The following CEP128 variants were observed in gnomAD, a reference collection of about 807,000 sequenced individuals.
CEP128 encodes centrosomal protein 128kDa.
CEP128 carries 132 observed loss-of-function variants against 156.7 expected under a neutral mutation model. The ratio of observed to expected loss-of-function variants is 0.84; its 90% CI spans 0.73 to 0.97. The LOEUF is 0.97. Ranked by LOEUF, CEP128 falls within the 50% of genes least tolerant of loss-of-function variation. CEP128 has a pLI of 0.00. For missense variants in CEP128, 1,252 were observed against 1,281.9 expected (o/e 0.98, Z 0.36); for synonymous variants, 469 against 448.9 (o/e 1.04, Z -0.57).
chr14:80,643,356 G>T (rs1206102960), intron 19 of CEP128, among the ~76,000 whole-genome samples: 1 of 152,164 alleles, frequency 6.6e-6, no homozygotes, highest in Non-Finnish European at 1.5e-5. Context: ...CACCACAGCA[G>T]TCAGCAGGGA....
chr14:80,800,122 C>A (rs1883755071), intron 13 of CEP128, among the ~76,000 whole-genome samples: 1 of 152,176 alleles, frequency 6.6e-6, no homozygotes, highest in Non-Finnish European at 1.5e-5. Flanking sequence ...CATCATAGTC[C>A]TACCGATATG....
intron 19 of CEP128, among the ~76,000 whole-genome samples, chr14:80,706,101 G>T (rs1595254323): frequency 6.6e-6 from 1 of 151,900 alleles, no homozygotes; most frequent in South Asian, 2.1e-4. Flanking sequence ...ATCATAAATT[G>T]TTCACTTACT....
chr14:80,505,173 T>C (rs920513756), intron 23 of CEP128, among the ~76,000 whole-genome samples, 153 bp from the exon 24 acceptor site: 2 of 152,238 alleles, frequency 1.3e-5, no homozygotes, highest in Non-Finnish European at 2.9e-5. Flanking sequence ...AAATAAAATA[T>C]GTGCATGTTA....
chr14:80,622,954 G>A (rs1031072676), intron 19 of CEP128, among the ~76,000 whole-genome samples: 5 of 151,966 alleles, frequency 3.3e-5, no homozygotes, highest in African/African-American at 1.2e-4. Flanking sequence ...CCATCCCATT[G>A]CTGGATATAT....
intron 23 of CEP128, among the ~76,000 whole-genome samples, chr14:80,510,563 C>T (rs912015680): frequency 6.6e-6 from 1 of 152,094 alleles, no homozygotes; most frequent in Non-Finnish European, 1.5e-5. Flanking sequence ...TAATTGACTT[C>T]TTCCTTTCCA....
intron 23 of CEP128, among the ~76,000 whole-genome samples, chr14:80,510,505 A>G (rs1344376145): frequency 6.6e-6 from 1 of 152,024 alleles, no homozygotes; most frequent in Non-Finnish European, 1.5e-5. Flanking sequence ...TATCAGTTCT[A>G]ATAGCTTCTC....
intron 19 of CEP128, among the ~76,000 whole-genome samples, chr14:80,592,425 C>T (rs1892116397): frequency 6.6e-6 from 1 of 152,158 alleles, no homozygotes; most frequent in South Asian, 2.1e-4. Flanking sequence ...AATTCCTGGA[C>T]ACATACACCC....
intron 13 of CEP128, among the ~76,000 whole-genome samples, chr14:80,821,709 T>C (rs1885195647): frequency 6.6e-6 from 1 of 151,196 alleles, no homozygotes; most frequent in Admixed American, 6.6e-5. Context: ...GAAGTCTTGC[T>C]CTTCCACCCA....
At chr14:80,592,145 T>C (rs894932039) in intron 19 of CEP128, among the ~76,000 whole-genome samples, 10 of 151,760 alleles carry the variant, frequency 6.6e-5, no homozygotes, top group African/African-American at 2.4e-4. Context: ...AGACAAGAAA[T>C]AACTAAGATC....
chr14:80,667,580 C>T (rs1410913698), intron 19 of CEP128, among the ~76,000 whole-genome samples: 1 of 152,054 alleles, frequency 6.6e-6, no homozygotes, highest in Non-Finnish European at 1.5e-5. Context: ...TCCTCGAGGC[C>T]GGGTGCGGTG....
chr14:80,958,863 G>A (rs1886861616), intron 1 of CEP128, among the ~76,000 whole-genome samples: 1 of 152,036 alleles, frequency 6.6e-6, no homozygotes, highest in South Asian at 2.1e-4. Flanking sequence ...TAAAGTTTTT[G>A]AAGAGCTTAC....
chr14:80,902,086 C>G (rs1375397218), intron 6 of CEP128, among the ~76,000 whole-genome samples: 3 of 152,182 alleles, frequency 2.0e-5, no homozygotes, highest in Non-Finnish European at 4.4e-5. Context: ...AGGAAGCCCT[C>G]CTTAACTGGG....
upstream of CEP128, chr14:80,945,729 A>G (rs1886325617): frequency 6.6e-6 from 1 of 152,278 alleles, no homozygotes; most frequent in Non-Finnish European, 1.5e-5. Flanking sequence ...AGAGGTGACC[A>G]TCTTCACCTG....
At chr14:80,481,438 TC>T (rs1197354302) in intron 14 of CEP128, among the ~76,000 whole-genome samples, 1 of 152,148 alleles carries the variant, frequency 6.6e-6, no homozygotes, top group Non-Finnish European at 1.5e-5. Context: ...GAGATACAAT[TC>T]AAGTTAAGAT....
intron 7 of CEP128, among the ~76,000 whole-genome samples, chr14:80,897,492 AG>A (rs1889396900): frequency 6.6e-6 from 1 of 152,170 alleles, no homozygotes; most frequent in Non-Finnish European, 1.5e-5. Flanking sequence ...AACGTCTCAC[AG>A]GCATCTTAAA....
intron 19 of CEP128, among the ~76,000 whole-genome samples, chr14:80,671,251 A>C (rs975025275): frequency 3.9e-5 from 6 of 152,200 alleles, no homozygotes; most frequent in Non-Finnish European, 7.4e-5. Context: ...AAATAAAAGC[A>C]AATAGATTTA....
chr14:80,690,508 G>A (rs899941042), intron 19 of CEP128, among the ~76,000 whole-genome samples: 15 of 151,670 alleles, frequency 9.9e-5, no homozygotes, highest in East Asian at 7.7e-4. Flanking sequence ...AGGTGCTGGC[G>A]TGGATAAATT....
At chr14:80,674,415 G>T (rs543070522) in intron 19 of CEP128, among the ~76,000 whole-genome samples, 2 of 152,020 alleles carry the variant, frequency 1.3e-5, no homozygotes, top group African/African-American at 4.8e-5. Flanking sequence ...TGATCCTTCA[G>T]TGTTCAAACT....
chr14:80,706,071 A>T (rs1418227534), intron 19 of CEP128, among the ~76,000 whole-genome samples: 1 of 152,174 alleles, frequency 6.6e-6, no homozygotes, highest in Non-Finnish European at 1.5e-5. Flanking sequence ...GGAGTTGCAA[A>T]ATAATGATAT....
Sources: allele counts gnomAD v4.1 joint callset (sites outside exome capture counted in the v4.1 genomes callset), GRCh38; gene constraint gnomAD v4.1.1; transcripts MANE v1.5; gene names NCBI Gene and HGNC (gene_info 2026-07-23, HGNC 2026-07-21).